Variants in NKAIN3 observed in about 807,000 individuals in gnomAD.
The protein encoded by NKAIN3 is sodium/potassium-transporting ATPase subunit beta-1-interacting protein 3.
Under a neutral mutation model 30.2 loss-of-function variants are expected in NKAIN3, and 25 were observed. The observed-to-expected ratio is 0.83, with a 90% CI of 0.60 to 1.16. The LOEUF (loss-of-function observed/expected upper bound fraction) is 1.16, where lower values mean the gene tolerates loss of function less well. NKAIN3 is among the 50% of genes most tolerant of loss of function. The probability of loss-of-function intolerance (pLI) is 0.00; values close to 1 mark genes in which losing one functional copy is unlikely to be tolerated. For synonymous variants in NKAIN3, 91 were observed against 89.6 expected (o/e 1.02, Z -0.09); for missense variants, 225 against 254.1 (o/e 0.89, Z 0.78).
chr8:62,639,580 AT>A (rs1209471588), intron 3 of NKAIN3, among the ~76,000 whole-genome samples: 1 of 152,176 alleles, frequency 6.6e-6, no homozygotes, highest in Non-Finnish European at 1.5e-5. Context: ...TGTACAGACA[AT>A]ATTAAAGCAT....
chr8:62,884,946 T>G (rs1458479439), intron 4 of NKAIN3, among the ~76,000 whole-genome samples: 1 of 152,124 alleles, frequency 6.6e-6, no homozygotes, highest in Non-Finnish European at 1.5e-5. Context: ...AAACTTATGG[T>G]TTGTTGATTT....
chr8:62,604,360 G>A (rs1323277211), intron 3 of NKAIN3, among the ~76,000 whole-genome samples: 1 of 152,078 alleles, frequency 6.6e-6, no homozygotes, highest in Non-Finnish European at 1.5e-5. Flanking sequence ...ATAACAGTAG[G>A]ACAGGAAAAA....
chr8:62,470,356 C>T (rs1015225236), intron 1 of NKAIN3, among the ~76,000 whole-genome samples: 1 of 152,160 alleles, frequency 6.6e-6, no homozygotes, highest in African/African-American at 2.4e-5. Context: ...AAGCCCACCA[C>T]TGACCTGATA....
intron 4 of NKAIN3, among the ~76,000 whole-genome samples, chr8:62,850,737 C>G (rs1018953137): frequency 1.3e-5 from 2 of 151,848 alleles, no homozygotes; most frequent in Admixed American, 1.3e-4. Context: ...GCTTGTTTTT[C>G]TCAGGTTTGT....
At chr8:62,956,566 T>C (rs563210689) in intron 6 of NKAIN3, among the ~76,000 whole-genome samples, 31 of 152,282 alleles carry the variant, frequency 2.0e-4, no homozygotes, top group African/African-American at 7.5e-4. Context: ...TATGGGAATG[T>C]GTATAGGGGA....
chr8:62,725,406 G>A (rs987056836), intron 3 of NKAIN3, among the ~76,000 whole-genome samples: 1 of 151,982 alleles, frequency 6.6e-6, no homozygotes, highest in African/African-American at 2.4e-5. Context: ...TTTTGCTTTG[G>A]TTGCCTGTGC....
chr8:62,695,101 T>A (rs1814109675), intron 3 of NKAIN3, among the ~76,000 whole-genome samples: 1 of 152,208 alleles, frequency 6.6e-6, no homozygotes, highest in African/African-American at 2.4e-5. Context: ...TCCTCTCACC[T>A]TAGCCTTGAT....
At chr8:62,305,858 A>G (rs7010914) in intron 1 of NKAIN3, among the ~76,000 whole-genome samples, 97,604 of 149,580 alleles carry the variant, frequency 0.65, 32,872 homozygotes, top group African/African-American at 0.68. Context: ...GAGGAGTTTG[A>G]CCTGTGAGTC....
chr8:62,605,048 T>G (rs979477765), intron 3 of NKAIN3, among the ~76,000 whole-genome samples: 2 of 152,124 alleles, frequency 1.3e-5, no homozygotes. Context: ...TTGTGATACA[T>G]GCAGAAGGAT....
rs560427426 is a variant in NKAIN3, at chr8:62,344,332, A to G, written c.54+95205A>G. Among the ~76,000 whole-genome samples, 392 of 152,274 alleles carry G rather than the reference A, an allele frequency of 2.6e-3. 1 individual carries two copies. Among genetic ancestry groups the G allele is most frequent in the Non-Finnish European group, 4.3e-3 (294 of 67,996 alleles). Reference sequence around the variant, plus strand: ...ATGTAATTATGTACATATATTATACATAAGTGCATAGTGCATACTACATTT... The same window carrying G: ...ATGTAATTATGTACATATATTATACGTAAGTGCATAGTGCATACTACATTT... On this transcript the variant is annotated intron_variant, in intron 1 of 6. Transcript: ENST00000623646.
At chr8:62,792,690 G>T (rs1472812360) in intron 4 of NKAIN3, among the ~76,000 whole-genome samples, 2 of 152,040 alleles carry the variant, frequency 1.3e-5, no homozygotes, top group Non-Finnish European at 2.9e-5. Context: ...GAAGGGATCT[G>T]GTGAAATGTG....
Position 62,695,514 on chromosome 8 carries a change from A to G in NKAIN3, c.274-51418A>G, listed in dbSNP as rs537551532. Among the ~76,000 whole-genome samples the G allele has an allele frequency of 5.3e-5, 8 of 152,352 alleles. No homozygotes were observed. The South Asian group carries it at 1.7e-3, about 32-fold the overall frequency. On this transcript the variant is annotated intron_variant, in intron 3 of 6. Coordinates refer to ENST00000623646, the MANE Select transcript of NKAIN3 (RefSeq NM_001304533.3). ...TATGGAGCAAGGAATAATACTGGGT[A>G]TCTCTGAAAACAGAATCTGCAATAC...
intron 3 of NKAIN3, among the ~76,000 whole-genome samples, chr8:62,712,295 A>T (rs144391232): frequency 1.0e-3 from 154 of 152,008 alleles, no homozygotes; most frequent in African/African-American, 3.6e-3. Context: ...GGGCCCTAGA[A>T]CTCCCAAGAT....
chr8:62,678,390 A>G (rs1813543580), intron 3 of NKAIN3, among the ~76,000 whole-genome samples: 1 of 152,188 alleles, frequency 6.6e-6, no homozygotes. Context: ...AGCTTATGAT[A>G]TCATGCAATC....
chr8:62,340,904 C>A (rs201538755), intron 1 of NKAIN3, among the ~76,000 whole-genome samples: 12,529 of 152,094 alleles, frequency 0.082, 667 homozygotes, highest in African/African-American at 0.13. Flanking sequence ...AGCGTCTTGT[C>A]ATCTTCATTC....
At chr8:62,682,009 G>T (rs1481502337) in intron 3 of NKAIN3, among the ~76,000 whole-genome samples, 2 of 152,116 alleles carry the variant, frequency 1.3e-5, no homozygotes, top group Admixed American at 6.5e-5. Flanking sequence ...CTCCTACTCG[G>T]AGGGACAGAG....
intron 3 of NKAIN3, among the ~76,000 whole-genome samples, chr8:62,650,515 A>G (rs1364938450): frequency 6.6e-6 from 1 of 152,178 alleles, no homozygotes; most frequent in African/African-American, 2.4e-5. Flanking sequence ...TTAGTTGTGT[A>G]TGCTTCTGTG....
chr8:62,731,920 G>A (rs1586139762), intron 3 of NKAIN3, among the ~76,000 whole-genome samples: 2 of 151,764 alleles, frequency 1.3e-5, no homozygotes, highest in Non-Finnish European at 1.5e-5. Context: ...AGACAACTAC[G>A]AACAATGTAA....
At chr8:62,487,224 G>A (rs1806929945) in intron 1 of NKAIN3, among the ~76,000 whole-genome samples, 1 of 152,204 alleles carries the variant, frequency 6.6e-6, no homozygotes, top group African/African-American at 2.4e-5. Flanking sequence ...GCTTGAGATT[G>A]TAAAGCAGAT....
Sources: gnomAD v4.1 joint callset for allele counts (sites outside exome capture counted in the v4.1 genomes callset) on GRCh38, gnomAD v4.1.1 for gene constraint, MANE v1.5 for transcripts, NCBI Gene and HGNC (gene_info 2026-07-23, HGNC 2026-07-21) for gene names.